The following MRPL12 variants were observed in gnomAD, a reference collection of about 807,000 sequenced individuals.
MRPL12 encodes the protein large ribosomal subunit protein bL12m.
Under a neutral mutation model 21.1 loss-of-function variants are expected in MRPL12, and 13 were observed. The observed-to-expected ratio is 0.62, with a 90% confidence interval of 0.40 to 0.98. The LOEUF (loss-of-function observed/expected upper bound fraction) is 0.98, where lower values mean the gene tolerates loss of function less well. Ranked by LOEUF, MRPL12 falls within the 50% of genes least tolerant of loss-of-function variation. MRPL12 has a pLI of 0.00. For missense variants in MRPL12, 251 were observed against 268.6 expected (o/e 0.93, Z 0.46); for synonymous variants, 126 against 115.3 (o/e 1.09, Z -0.60).
chr17:81,703,368 T>A lies in MRPL12; in HGVS notation c.-134T>A. ...GCTAGCGCGAGGTACGGCTAGAGCG[T>A]CATTTCCGGCTCGAATGCCCGGCAG... On this transcript the variant is annotated 5_prime_UTR_variant, in exon 1 of 5. Transcript: ENST00000333676. 2.9e-6 allele frequency: 2 copies of A among 688,336 alleles called. No individual in the cohort carries two copies. The highest frequency in any genetic ancestry group is 4.5e-6 in the Non-Finnish European group (2 of 442,076). 42.6% of individuals were successfully genotyped at this position (688,336 alleles called of 1,614,324 possible). A position where few individuals can be genotyped will look rare whatever the true frequency, so the allele number is the denominator to read the frequency against.
chr17:81,706,795 G>GCCTCCGCTGCACCTC (rs1220667323), intron 3 of MRPL12, 111 bp from the exon 4 acceptor site: 1 of 1,325,412 alleles, frequency 7.5e-7, no homozygotes, highest in African/African-American at 1.5e-5. Flanking sequence ...CTTCGCTGGG[G>GCCTCCGCTGCACCTC]CCTCCGCTGC....
At position 81,707,281 on chromosome 17, in the gene MRPL12, C is replaced by T. The variant is rs372335756; in HGVS notation, c.*41C>T. On this transcript the variant is annotated 3_prime_UTR_variant, in exon 5 of 5. Transcript: ENST00000333676. ...ACTTGTGTTCAGGGGTCCTGGGCCC[C>T]GGGCGAGGTCCCGCCCTCCCGTGGT... 24 of 1,514,284 alleles carry T rather than the reference C, an allele frequency of 1.6e-5. No individual in the cohort carries two copies. The highest frequency in any genetic ancestry group is 2.2e-4 in the Middle Eastern group (1 of 4,454). 93.8% of individuals were successfully genotyped at this position (1,514,284 alleles called of 1,614,324 possible).
Position 81,704,239 on chromosome 17 carries a change from G to T in MRPL12, c.75-5G>T, listed in dbSNP as rs761294435. On this transcript the variant is annotated splice_region_variant and splice_polypyrimidine_tract_variant and intron_variant, in intron 1 of 4. Transcript: ENST00000333676. ...AAGTCTGTTTTAATTGGGGGTGGGG[G>T]CTAGGCGACAGGTGCCATGTGTCTG... The T allele has an allele frequency of 3.7e-6, 6 of 1,601,722 alleles. No homozygotes were observed. The African/African-American group carries it at 4.0e-5, about 11-fold the overall frequency.
chr17:81,704,929 C>T (rs1014706087), intron 3 of MRPL12, among the ~76,000 whole-genome samples: 3 of 152,216 alleles, frequency 2.0e-5, no homozygotes, highest in African/African-American at 7.2e-5. Flanking sequence ...GGGAAACAGA[C>T]ACTAAGCTGA....
chr17:81,703,644 A>G (rs2037279445), intron 1 of MRPL12, 69 bp downstream of exon 1: 4 of 1,262,676 alleles, frequency 3.2e-6, no homozygotes, highest in Non-Finnish European at 4.0e-6. Flanking sequence ...TGAGGGGTCG[A>G]TCCGGGCGAG....
In MRPL12 at chr17:81,703,510, G is replaced by A; in HGVS notation, c.9G>A (p.Pro3=). 6.7e-7 allele frequency: 1 copy of A among 1,485,134 alleles called. No individual in the cohort carries two copies. Among genetic ancestry groups the A allele is most frequent in the Non-Finnish European group, 8.9e-7 (1 of 1,123,836 alleles). 92.0% of individuals were successfully genotyped at this position (1,485,134 alleles called of 1,614,324 possible). Residue 3 remains proline (P), a synonymous_variant, in exon 1 of 5, where the codon CCG becomes CCA. Transcript: ENST00000333676. ...TTCCAGCCCGCGGACCGATGCTGCC[G>A]GCGGCCGCTCGCCCCCTGTGGGGGC... ML[P]AAARPLWGPC... is the part of the protein sequence containing the mutation.
intron 3 of MRPL12, among the ~76,000 whole-genome samples, chr17:81,705,389 CAAAAAA>C (rs758967615): frequency 1.1e-4 from 7 of 63,256 alleles, no homozygotes; most frequent in East Asian, 1.1e-3. Flanking sequence ...GACCCTGTCT[CAAAAAA>C]AAAAAAAAAA....
In MRPL12 at chr17:81,703,490, G is replaced by A; in HGVS notation, c.-12G>A. On this transcript the variant is annotated 5_prime_UTR_variant, in exon 1 of 5. Transcript: ENST00000333676. Reference sequence around the variant, plus strand: ...CCGGGGAACCGCGTGTGACCTTCCAGCCCGCGGACCGATGCTGCCGGCGGC... The same window carrying A: ...CCGGGGAACCGCGTGTGACCTTCCAACCCGCGGACCGATGCTGCCGGCGGC... The A allele has an allele frequency of 6.7e-7, 1 of 1,487,448 alleles. No individual in the cohort carries two copies. 92.1% of individuals were successfully genotyped at this position (1,487,448 alleles called of 1,614,324 possible). A position where few individuals can be genotyped will look rare whatever the true frequency, so the allele number is the denominator to read the frequency against.
Position 81,707,496 on chromosome 17 carries a change from G to GA in MRPL12, c.*261dup. On this transcript the variant is annotated 3_prime_UTR_variant, in exon 5 of 5. Transcript: ENST00000333676. ...TGAATGTGCCTCTGGTGGCTGCTGAGAAAAATACACTGTGCAGCTCAGTGT... is the reference window on the plus strand; with the variant it reads ...TGAATGTGCCTCTGGTGGCTGCTGAGAAAAAATACACTGTGCAGCTCAGTGT... The GA allele has an allele frequency of 2.1e-6, 1 of 486,384 alleles. No individual in the cohort carries two copies. Among genetic ancestry groups the GA allele is most frequent in the South Asian group, 2.3e-5 (1 of 43,562 alleles). 30.1% of individuals were successfully genotyped at this position (486,384 alleles called of 1,614,324 possible). A position where few individuals can be genotyped will look rare whatever the true frequency, so the allele number is the denominator to read the frequency against.
chr17:81,703,671 G>C, intron 1 of MRPL12, 96 bp downstream of exon 1: 4 of 1,145,708 alleles, frequency 3.5e-6, no homozygotes, highest in Non-Finnish European at 4.5e-6. Context: ...GGCGGGGCCG[G>C]CCTCCCTGCA....
intron 3 of MRPL12, 71 bp downstream of exon 3, chr17:81,704,787 G>C: frequency 1.5e-6 from 2 of 1,295,384 alleles, no homozygotes; most frequent in Non-Finnish European, 2.2e-6. Flanking sequence ...CCGTGGTCCC[G>C]TATCTCAGGT....
intron 1 of MRPL12, among the ~76,000 whole-genome samples, chr17:81,703,903 C>T (rs913301116): frequency 1.3e-5 from 2 of 152,206 alleles, no homozygotes; most frequent in African/African-American, 2.4e-5. Flanking sequence ...GGAGGCTTTG[C>T]GCAGGAAGAT....
At position 81,704,301 on chromosome 17, in the gene MRPL12, G is replaced by A. The variant is rs2037289652; in HGVS notation, c.132G>A (p.Arg44=). The A allele has an allele frequency of 1.2e-6, 2 of 1,613,362 alleles. No individual in the cohort carries two copies. Among genetic ancestry groups the A allele is most frequent in the Non-Finnish European group, 1.7e-6 (2 of 1,179,866 alleles). The change falls in exon 2 of 5, where the codon AGG becomes AGA. Residue 44 remains arginine, a synonymous_variant. Coordinates refer to ENST00000333676, the MANE Select transcript of MRPL12 (RefSeq NM_002949.4). Reference sequence around the variant, plus strand: ...ATATGAGGAGCAGCGGCCATCAGAGGTGTGAGGCCCTCGCTGGTGCACCCC... The same window carrying A: ...ATATGAGGAGCAGCGGCCATCAGAGATGTGAGGCCCTCGCTGGTGCACCCC... ...VRHMRSSGHQ[R]CEALAGAPLD... is the part of the protein sequence containing the mutation.
chr17:81,706,285 C>CTCACTCTG (rs2037313744), intron 3 of MRPL12, among the ~76,000 whole-genome samples: 1 of 152,160 alleles, frequency 6.6e-6, no homozygotes, highest in Admixed American at 6.5e-5. Context: ...GAAACCGAGT[C>CTCACTCTG]TCACTCTGTC....
At position 81,703,444 on chromosome 17, in the gene MRPL12, C is replaced by T. The variant is rs2037276111; in HGVS notation, c.-58C>T. ...CAGCTCGAATGCCCGGCGGCCGAGG[C>T]GGCTAGAGCGTCGCCTCCTCCCGGG... is the stretch of plus-strand genomic sequence containing the variant. On this transcript the variant is annotated 5_prime_UTR_variant, in exon 1 of 5. Coordinates refer to ENST00000333676, the MANE Select transcript of MRPL12 (RefSeq NM_002949.4). 2.1e-6 allele frequency: 3 copies of T among 1,417,712 alleles called. No individual in the cohort carries two copies. The highest frequency in any genetic ancestry group is 1.5e-5 in the African/African-American group (1 of 66,644). The allele number at this position is 1,417,712 out of a possible 1,614,324, so 87.8% of individuals were successfully genotyped here. A position where few individuals can be genotyped will look rare whatever the true frequency, so the allele number is the denominator to read the frequency against.
intron 3 of MRPL12, 59 bp downstream of exon 3, chr17:81,704,775 T>C: frequency 7.1e-7 from 1 of 1,415,722 alleles, no homozygotes; most frequent in Non-Finnish European, 9.8e-7. Context: ...TGGCCTCATG[T>C]GCCGTGGTCC....
At chr17:81,704,583 T>A in intron 2 of MRPL12, 50 bp from the exon 3 acceptor site, 1 of 1,603,580 alleles carries the variant, frequency 6.2e-7, no homozygotes, top group Non-Finnish European at 8.5e-7. Context: ...CCTCAGTAGG[T>A]TCCGGCTGGT....
intron 2 of MRPL12, 74 bp from the exon 3 acceptor site, chr17:81,704,559 G>C: frequency 6.3e-7 from 1 of 1,579,570 alleles, no homozygotes; most frequent in Non-Finnish European, 8.7e-7. Flanking sequence ...GTCCATGCCA[G>C]GCTAGTTGCC....
At chr17:81,704,067 C>T (rs568153481) in intron 1 of MRPL12, among the ~76,000 whole-genome samples, 177 bp from the exon 2 acceptor site, 35 of 152,282 alleles carry the variant, frequency 2.3e-4, no homozygotes, top group Admixed American at 1.8e-3. Flanking sequence ...AATACGGACC[C>T]CTTGAGGTCT....
Sources: gnomAD v4.1 joint callset for allele counts (sites outside exome capture counted in the v4.1 genomes callset) on GRCh38, gnomAD v4.1.1 for gene constraint, MANE v1.5 for transcripts, NCBI Gene and HGNC (gene_info 2026-07-23, HGNC 2026-07-21) for gene names.